The following RBMS3 variants were observed in gnomAD, a reference collection of about 807,000 sequenced individuals.
The protein encoded by RBMS3 is RNA binding motif single stranded interacting protein 3.
Under a neutral mutation model 66.8 loss-of-function variants are expected in RBMS3, and 27 were observed. The observed-to-expected ratio is 0.40, with a 90% confidence interval of 0.30 to 0.56. The LOEUF is 0.56. Ranked by LOEUF, RBMS3 falls within the 20% of genes least tolerant of loss-of-function variation. The pLI, the probability that RBMS3 is intolerant of heterozygous loss-of-function variation, is 0.40. For missense variants in RBMS3, 513 were observed against 549.5 expected (o/e 0.93, Z 0.66); for synonymous variants, 188 against 183.0 (o/e 1.03, Z -0.22).
chr3:29,344,652 C>G (rs1282124984), intron 1 of RBMS3, among the ~76,000 whole-genome samples: 1 of 152,066 alleles, frequency 6.6e-6, no homozygotes, highest in Non-Finnish European at 1.5e-5. Flanking sequence ...AGGTGACTAT[C>G]CTTTTTTGTA....
In RBMS3 at chr3:29,817,562, G is replaced by A. The variant is rs1020893995; in HGVS notation, c.638-51296G>A. On this transcript the variant is annotated intron_variant, in intron 6 of 14. Coordinates refer to ENST00000383767, the MANE Select transcript of RBMS3 (RefSeq NM_001003793.3). The stretch of plus-strand genomic sequence containing the variant: ...AAGACATAAATTGAATTTAGTAATT[G>A]CATGTTTTCTTAAAATTTGATTATT... Among the ~76,000 whole-genome samples the A allele has an allele frequency of 9.2e-5, 14 of 152,052 alleles. 1 individual carries two copies. The highest frequency in any genetic ancestry group is 2.6e-4 in the Admixed American group (4 of 15,258).
intron 4 of RBMS3, among the ~76,000 whole-genome samples, chr3:29,702,655 T>C (rs2052672143): frequency 6.6e-6 from 1 of 150,952 alleles, no homozygotes; most frequent in Non-Finnish European, 1.5e-5. Flanking sequence ...TGAACAACTC[T>C]GGATAGGAGG....
chr3:29,602,154 G>A (rs559032281), intron 4 of RBMS3, among the ~76,000 whole-genome samples: 3 of 152,026 alleles, frequency 2.0e-5, no homozygotes, highest in South Asian at 2.1e-4. Flanking sequence ...ATAATTGCAC[G>A]GTACACTGAC....
intron 1 of RBMS3, among the ~76,000 whole-genome samples, chr3:29,415,961 A>G (rs2040462467): frequency 6.6e-6 from 1 of 152,178 alleles, no homozygotes; most frequent in Non-Finnish European, 1.5e-5. Context: ...AAAAAAGGAC[A>G]TGAAGGGGCA....
chr3:29,672,054 T>G (rs922649519), intron 4 of RBMS3, among the ~76,000 whole-genome samples: 2 of 152,116 alleles, frequency 1.3e-5, no homozygotes, highest in African/African-American at 4.8e-5. Flanking sequence ...AGGTTACCCA[T>G]AAATGGAAGC....
intron 1 of RBMS3, among the ~76,000 whole-genome samples, chr3:29,343,830 C>T (rs1004815221): frequency 1.3e-5 from 2 of 152,184 alleles, no homozygotes; most frequent in African/African-American, 2.4e-5. Flanking sequence ...GAACTAAGAC[C>T]GTTCTCTGCA....
chr3:29,785,362 G>A (rs920656893), intron 6 of RBMS3, among the ~76,000 whole-genome samples: 19 of 151,618 alleles, frequency 1.3e-4, no homozygotes, highest in African/African-American at 3.9e-4. Flanking sequence ...ATGGTTTAAC[G>A]TATGCAATCT....
chr3:29,960,841 C>T (rs921301526), intron 12 of RBMS3, among the ~76,000 whole-genome samples: 1 of 152,144 alleles, frequency 6.6e-6, no homozygotes. Context: ...AAGTCCTAGG[C>T]TGCACACAGT....
intron 4 of RBMS3, among the ~76,000 whole-genome samples, chr3:29,598,138 A>G (rs565271163): frequency 4.6e-5 from 7 of 152,288 alleles, no homozygotes; most frequent in African/African-American, 1.2e-4. Flanking sequence ...GGAAATATCC[A>G]TAGTTAGACA....
At chr3:29,706,204 A>T (rs2052883574) in intron 4 of RBMS3, among the ~76,000 whole-genome samples, 1 of 152,184 alleles carries the variant, frequency 6.6e-6, no homozygotes, top group Non-Finnish European at 1.5e-5. Context: ...TTGTCATGAA[A>T]ATCCCCTTCA....
At chr3:29,418,996 G>A (rs1275015585) in intron 1 of RBMS3, among the ~76,000 whole-genome samples, 3 of 152,100 alleles carry the variant, frequency 2.0e-5, no homozygotes, top group African/African-American at 7.2e-5. Flanking sequence ...ACTTAAAACT[G>A]TCACTCTGGG....
chr3:29,387,586 G>A (rs917124503), intron 1 of RBMS3, among the ~76,000 whole-genome samples: 12 of 151,868 alleles, frequency 7.9e-5, no homozygotes, highest in African/African-American at 2.7e-4. Context: ...GTTCTCCACC[G>A]TGCAGCCAGA....
intron 1 of RBMS3, among the ~76,000 whole-genome samples, chr3:29,314,722 CTTTGA>C (rs1168808642): frequency 6.6e-6 from 1 of 151,626 alleles, no homozygotes; most frequent in Admixed American, 6.6e-5. Context: ...GTGGCCTTGA[CTTTGA>C]TTTAAGTATT....
intron 3 of RBMS3, among the ~76,000 whole-genome samples, chr3:29,582,241 G>T (rs2047359317): frequency 6.6e-6 from 1 of 152,136 alleles, no homozygotes; most frequent in African/African-American, 2.4e-5. Context: ...CACCAGGCTT[G>T]TAGTGCAATA....
chr3:29,899,626 C>A, intron 9 of RBMS3, 79 bp from the exon 10 acceptor site: 1 of 1,278,940 alleles, frequency 7.8e-7, no homozygotes, highest in South Asian at 1.3e-5. Context: ...TTCTTATGAC[C>A]TAGTGTGACT....
At chr3:29,599,885 T>G (rs1311732887) in intron 4 of RBMS3, among the ~76,000 whole-genome samples, 1 of 151,984 alleles carries the variant, frequency 6.6e-6, no homozygotes, top group Non-Finnish European at 1.5e-5. Flanking sequence ...ATCCATAAAG[T>G]ATTCACCCAA....
At chr3:29,503,115 A>G (rs2044040361) in intron 3 of RBMS3, among the ~76,000 whole-genome samples, 3 of 152,144 alleles carry the variant, frequency 2.0e-5, no homozygotes, top group African/African-American at 4.8e-5. Context: ...CCAGAGATAA[A>G]CAAACATTTT....
At chr3:29,304,512 T>C (rs1482022972) in intron 1 of RBMS3, among the ~76,000 whole-genome samples, 1 of 151,894 alleles carries the variant, frequency 6.6e-6, no homozygotes, top group Non-Finnish European at 1.5e-5. Context: ...CCTGTGCCCA[T>C]ATTGACTGAC....
intron 2 of RBMS3, among the ~76,000 whole-genome samples, chr3:29,468,531 A>G (rs1244060986): frequency 6.6e-6 from 1 of 152,172 alleles, no homozygotes; most frequent in African/African-American, 2.4e-5. Context: ...TCCAGTACAG[A>G]AAGCCTTATA....
Sources: allele counts gnomAD v4.1 joint callset (sites outside exome capture counted in the v4.1 genomes callset), GRCh38; gene constraint gnomAD v4.1.1; transcripts MANE v1.5; gene names NCBI Gene and HGNC (gene_info 2026-07-23, HGNC 2026-07-21).